The following EYA2 variants were observed in gnomAD, a reference collection of about 807,000 sequenced individuals.
EYA2 encodes the protein EYA transcriptional coactivator and phosphatase 2, also known as protein phosphatase EYA2.
EYA2 carries 31 observed loss-of-function variants against 69.2 expected under a neutral mutation model. That is an observed-to-expected ratio of 0.45 (90% CI 0.34 to 0.60). EYA2 has a LOEUF of 0.60. Ranked by LOEUF, EYA2 falls within the 20% of genes least tolerant of loss-of-function variation. The probability of loss-of-function intolerance (pLI) is 0.02; values close to 1 mark genes in which losing one functional copy is unlikely to be tolerated. For synonymous variants in EYA2, 257 were observed against 279.4 expected (o/e 0.92, Z 0.80); for missense variants, 622 against 701.2 (o/e 0.89, Z 1.28).
Position 47,170,197 on chromosome 20 carries a change from C to T in EYA2, c.1037+1000C>T, listed in dbSNP as rs569032320. Among the ~76,000 whole-genome samples the T allele has an allele frequency of 2.2e-4, 34 of 151,994 alleles. No homozygotes were observed. In the East Asian group the frequency reaches 5.5e-3, roughly 24 times the overall value. ...TGCTGGGGTTACAGGCGTGAGCCAC[C>T]GCACCCGACCAGCATGCATATATTT... On this transcript the variant is annotated intron_variant, in intron 11 of 15. Coordinates refer to ENST00000327619, the MANE Select transcript of EYA2 (RefSeq NM_005244.5).
intron 10 of EYA2, 86 bp downstream of exon 10, chr20:47,143,234 T>A: frequency 8.8e-7 from 1 of 1,132,704 alleles, no homozygotes; most frequent in Non-Finnish European, 1.2e-6. Flanking sequence ...GCCTTTCCTT[T>A]CTTTTTCTTT....
rs140355329 is a variant in EYA2 at position 46,940,033 on chromosome 20, A to G, written c.-11+45046A>G. ...ATAGCAGTTCTAAGATGAAAAACCT[A>G]CTACGTGCGAGGATCTTGCAAAGAT... On this transcript the variant is annotated intron_variant, in intron 1 of 15. Coordinates refer to ENST00000327619, the MANE Select transcript of EYA2 (RefSeq NM_005244.5). Among the ~76,000 whole-genome samples the G allele has an allele frequency of 1.1e-3, 172 of 152,304 alleles. 1 individual carries two copies. The highest frequency in any genetic ancestry group is 2.1e-3 in the Non-Finnish European group (140 of 68,026).
At chr20:47,057,904 C>G (rs558967357) in intron 5 of EYA2, among the ~76,000 whole-genome samples, 2 of 152,310 alleles carry the variant, frequency 1.3e-5, no homozygotes, top group African/African-American at 4.8e-5. Context: ...GAACCCTGCT[C>G]CACCCCTTCC....
At chr20:46,978,746 C>A (rs1487858718) in intron 1 of EYA2, 2 of 528,570 alleles carry the variant, frequency 3.8e-6, no homozygotes, top group African/African-American at 3.9e-5. Flanking sequence ...CGTGGTCTTC[C>A]TGGGCAGAGA....
intron 1 of EYA2, among the ~76,000 whole-genome samples, chr20:46,920,284 G>A (rs900765157): frequency 1.8e-4 from 27 of 151,016 alleles, no homozygotes; most frequent in Admixed American, 3.3e-4. Context: ...GCAATAAAAC[G>A]AGGTCTTCCT....
chr20:47,084,267 G>A (rs1481587976), intron 7 of EYA2, among the ~76,000 whole-genome samples: 1 of 151,986 alleles, frequency 6.6e-6, no homozygotes, highest in Admixed American at 6.6e-5. Context: ...CTGGCTCTGT[G>A]CAGTAGCTCA....
chr20:47,132,990 T>C (rs185027434), intron 9 of EYA2, among the ~76,000 whole-genome samples: 380 of 152,326 alleles, frequency 2.5e-3, no homozygotes, highest in African/African-American at 8.9e-3. Flanking sequence ...ACACCCGTTT[T>C]TGCTTGGAAT....
At chr20:46,917,002 G>T (rs937567869) in intron 1 of EYA2, among the ~76,000 whole-genome samples, 1 of 152,050 alleles carries the variant, frequency 6.6e-6, no homozygotes, top group Non-Finnish European at 1.5e-5. Context: ...GGAGGAAAAA[G>T]AGTTCATTTA....
intron 1 of EYA2, among the ~76,000 whole-genome samples, chr20:46,902,429 T>G (rs1384895576): frequency 6.6e-6 from 1 of 152,238 alleles, no homozygotes; most frequent in African/African-American, 2.4e-5. Flanking sequence ...AACGTGCTGT[T>G]ATTATTATTT....
At chr20:47,183,441 C>G (rs768201870) in intron 15 of EYA2, 50 bp downstream of exon 15, 28 of 1,553,762 alleles carry the variant, frequency 1.8e-5, no homozygotes, top group African/African-American at 2.7e-5. Flanking sequence ...TCGAGCACCC[C>G]TCGTGGTCTT....
chr20:47,135,815 C>T (rs1248289489), intron 9 of EYA2, among the ~76,000 whole-genome samples: 1 of 47,186 alleles, frequency 2.1e-5, no homozygotes, highest in African/African-American at 6.2e-5. Flanking sequence ...GACCCTGTCT[C>T]TACAAAAAAA....
intron 1 of EYA2, among the ~76,000 whole-genome samples, chr20:46,911,170 T>C (rs757893750): frequency 9.2e-5 from 14 of 152,194 alleles, no homozygotes; most frequent in Admixed American, 2.6e-4. Context: ...AGAAAGCATC[T>C]GTCTTCAGGT....
intron 9 of EYA2, among the ~76,000 whole-genome samples, chr20:47,109,170 T>A (rs2032678513): frequency 6.6e-6 from 1 of 152,192 alleles, no homozygotes; most frequent in Admixed American, 6.5e-5. Context: ...GAGACCTGAT[T>A]GCTTCTACCC....
At position 46,952,079 on chromosome 20, in the gene EYA2, C is replaced by T. The variant is rs542241440; in HGVS notation, c.-10-37922C>T. On this transcript the variant is annotated intron_variant, in intron 1 of 15. Transcript: ENST00000327619. ...GACAGACAAGAAACAGACAAAGGCA[C>T]GTGTGTAATGAATGTGTCCGGGGGT... Among the ~76,000 whole-genome samples, 4 of 152,268 alleles carry T rather than the reference C, an allele frequency of 2.6e-5. No homozygotes were observed. The East Asian group carries it at 5.8e-4, about 22-fold the overall frequency.
chr20:47,067,065 G>A (rs148799921), intron 5 of EYA2, among the ~76,000 whole-genome samples: 1 of 152,272 alleles, frequency 6.6e-6, no homozygotes, highest in Non-Finnish European at 1.5e-5. Context: ...TTGTTCAGCT[G>A]TCCATTCTTC....
chr20:46,963,515 A>G (rs1047496792), intron 1 of EYA2, among the ~76,000 whole-genome samples: 2 of 152,244 alleles, frequency 1.3e-5, no homozygotes, highest in Admixed American at 6.5e-5. Context: ...CTAACTTTAG[A>G]TGGTCTCAGT....
chr20:47,048,470 G>A (rs1326492498), intron 5 of EYA2, among the ~76,000 whole-genome samples: 1 of 152,204 alleles, frequency 6.6e-6, no homozygotes, highest in Non-Finnish European at 1.5e-5. Context: ...GGGTGCAGTG[G>A]CCCATACCTG....
intron 10 of EYA2, among the ~76,000 whole-genome samples, chr20:47,159,846 C>T (rs987636712): frequency 4.6e-5 from 7 of 151,916 alleles, no homozygotes; most frequent in Non-Finnish European, 1.0e-4. Context: ...AAAAATTAGC[C>T]AGGCATGGTG....
At chr20:47,087,451 G>A (rs1014514611) in intron 7 of EYA2, among the ~76,000 whole-genome samples, 3 of 152,202 alleles carry the variant, frequency 2.0e-5, no homozygotes, top group African/African-American at 7.2e-5. Flanking sequence ...ACAAGGACAG[G>A]TCCAAATTTT....
Sources: allele counts gnomAD v4.1 joint callset (sites outside exome capture counted in the v4.1 genomes callset), GRCh38; gene constraint gnomAD v4.1.1; transcripts MANE v1.5; gene names NCBI Gene and HGNC (gene_info 2026-07-23, HGNC 2026-07-21).